The following RTN3 variants were observed in gnomAD, a reference collection of about 807,000 sequenced individuals.
RTN3 encodes the protein reticulon 3.
Under a neutral mutation model 77.8 loss-of-function variants are expected in RTN3, and 49 were observed. That is an observed-to-expected ratio of 0.63 (90% CI 0.50 to 0.80). The LOEUF is 0.80. Ranked by LOEUF, RTN3 falls within the 30% of genes least tolerant of loss-of-function variation. The pLI, the probability that RTN3 is intolerant of heterozygous loss-of-function variation, is 0.00. For synonymous variants in RTN3, 464 were observed against 446.9 expected (o/e 1.04, Z -0.48); for missense variants, 1,236 against 1,211.9 (o/e 1.02, Z -0.29).
chr11:63,684,948 T>C lies in RTN3; in HGVS notation c.142+3170T>C, dbSNP rs905309972. ...ATAATTTTTGTACTTTTACTAGATA[T>C]GGGGTTTTGCCATGTTGGCCAGGCT... On this transcript the variant is annotated intron_variant, in intron 1 of 8. Coordinates refer to ENST00000377819, the MANE Select transcript of RTN3 (RefSeq NM_001265589.2). Among the ~76,000 whole-genome samples, 7 of 151,150 alleles carry C rather than the reference T, an allele frequency of 4.6e-5. No individual in the cohort carries two copies. The East Asian group carries it at 8.0e-4, about 17-fold the overall frequency.
At chr11:63,685,073 C>T (rs978483771) in intron 1 of RTN3, among the ~76,000 whole-genome samples, 12 of 152,242 alleles carry the variant, frequency 7.9e-5, no homozygotes, top group Middle Eastern at 3.4e-3. Flanking sequence ...AGACTCTTAT[C>T]TTAAATGCTT....
At chr11:63,708,168 A>G (rs1481862777) in intron 2 of RTN3, among the ~76,000 whole-genome samples, 2 of 152,226 alleles carry the variant, frequency 1.3e-5, no homozygotes, top group East Asian at 1.9e-4. Context: ...GTCCACTTCC[A>G]CACAGGCCTT....
intron 2 of RTN3, among the ~76,000 whole-genome samples, chr11:63,712,044 G>T (rs977776570): frequency 6.6e-6 from 1 of 152,196 alleles, no homozygotes; most frequent in African/African-American, 2.4e-5. Context: ...CAATTCTTAG[G>T]ATGCCATAGG....
At chr11:63,722,442 A>G (rs542377109) in intron 3 of RTN3, among the ~76,000 whole-genome samples, 1 of 152,304 alleles carries the variant, frequency 6.6e-6, no homozygotes, top group African/African-American at 2.4e-5. Flanking sequence ...TGGTATTGTG[A>G]GGATTAAATA....
intron 2 of RTN3, among the ~76,000 whole-genome samples, chr11:63,707,889 T>A (rs906344861): frequency 2.0e-5 from 3 of 152,144 alleles, no homozygotes; most frequent in African/African-American, 7.2e-5. Context: ...ATTTAACCTA[T>A]ATTAGTAGCA....
chr11:63,754,543 A>G lies in RTN3; in HGVS notation c.2994+835A>G, dbSNP rs1285986408. Among the ~76,000 whole-genome samples, 6 of 152,032 alleles carry G rather than the reference A, an allele frequency of 3.9e-5. No homozygotes were observed. In the East Asian group the frequency reaches 1.2e-3, roughly 29 times the overall value. Reference sequence around the variant, plus strand: ...GTGAAACCCCATCTCTACTAAAAATACAAAAAATTAGTCGGGTGTGGTGGC... The same window carrying G: ...GTGAAACCCCATCTCTACTAAAAATGCAAAAAATTAGTCGGGTGTGGTGGC... On this transcript the variant is annotated intron_variant, in intron 7 of 8. Coordinates refer to ENST00000377819, the MANE Select transcript of RTN3 (RefSeq NM_001265589.2).
chr11:63,686,388 G>A (rs926954213), intron 1 of RTN3, among the ~76,000 whole-genome samples: 2 of 151,090 alleles, frequency 1.3e-5, no homozygotes, highest in African/African-American at 2.4e-5. Flanking sequence ...GGAGAATGGC[G>A]TGAACCCAGG....
intron 1 of RTN3, among the ~76,000 whole-genome samples, chr11:63,691,114 CTTTT>C (rs796809025): frequency 1.1e-5 from 1 of 91,878 alleles, no homozygotes; most frequent in Non-Finnish European, 2.1e-5. Context: ...ATTGCTAATT[CTTTT>C]TTTTTTTTTT....
intron 2 of RTN3, among the ~76,000 whole-genome samples, chr11:63,706,729 AT>A (rs907354978): frequency 1.5e-4 from 23 of 151,550 alleles, no homozygotes; most frequent in African/African-American, 4.6e-4. Context: ...ATTTTTAAGG[AT>A]TTTTTTTTCT....
At chr11:63,704,257 C>A (rs1025220484) in intron 1 of RTN3, among the ~76,000 whole-genome samples, 2 of 152,146 alleles carry the variant, frequency 1.3e-5, no homozygotes, top group Admixed American at 6.5e-5. Flanking sequence ...CCTGCCTCAG[C>A]TTCCCAAAGT....
chr11:63,705,156 A>G (rs1437497256), intron 2 of RTN3, among the ~76,000 whole-genome samples: 1 of 152,256 alleles, frequency 6.6e-6, no homozygotes, highest in African/African-American at 2.4e-5. Context: ...TTTCTTTAAA[A>G]TTAAAAACTT....
In RTN3 at chr11:63,720,072, C is replaced by T. The variant is rs760516100; in HGVS notation, c.1570C>T (p.Pro524Ser). 3 of 1,614,006 alleles carry T rather than the reference C, an allele frequency of 1.9e-6. No homozygotes were observed. The highest frequency in any genetic ancestry group is 2.5e-6 in the Non-Finnish European group (3 of 1,180,014). ...FENNKIQAEKPVSIPSAVVKT... is the reference protein window; with the variant it reads ...FENNKIQAEKSVSIPSAVVKT... ...AAATAACAAAATTCAGGCTGAAAAA[C>T]CTGTTTCCATTCCAAGTGCTGTTGT... The change falls in exon 3 of 9, where the codon CCT (proline) becomes TCT (serine). Residue 524 changes from proline (P) to serine (S), a missense_variant. Physicochemically the swap from Pro to Ser is moderately conservative, Grantham distance 74. This residue lies in a region of RTN3 where 1,056 missense variants were observed against 990.4 expected (regional missense o/e 1.07). Coordinates refer to ENST00000377819, the MANE Select transcript of RTN3 (RefSeq NM_001265589.2).
At position 63,719,854 on chromosome 11, in the gene RTN3, C is replaced by A; in HGVS notation, c.1352C>A (p.Pro451His). The change falls in exon 3 of 9, where the codon CCT (proline) becomes CAT (histidine). Residue 451 changes from proline to histidine, a missense_variant. Physicochemically the swap from Pro to His is moderately conservative, Grantham distance 77. Around this residue, in one of 3 missense-constraint regions of RTN3, gnomAD observed 1,056 missense variants for 990.4 expected, o/e 1.07. Transcript: ENST00000377819. ...CAGGATGACACACTTGCAGAATTAC[C>A]TGGATCTCCACCTGAGAAATGTGAC... The part of the protein sequence containing the change: ...QKQDDTLAEL[P>H]GSPPEKCDSL... 6.2e-7 allele frequency: 1 copy of A among 1,614,144 alleles called. No individual in the cohort carries two copies. Among genetic ancestry groups the A allele is most frequent in the Non-Finnish European group, 8.5e-7 (1 of 1,180,028 alleles).
chr11:63,721,183 CCTGT>C (rs1233960991), intron 3 of RTN3, 151 bp downstream of exon 3: 19 of 646,388 alleles, frequency 2.9e-5, no homozygotes, highest in Middle Eastern at 4.3e-4. Flanking sequence ...AGATTCTTCT[CCTGT>C]CTTTTTTTAA....
At chr11:63,722,851 T>A (rs1159603370) in intron 3 of RTN3, among the ~76,000 whole-genome samples, 1 of 152,170 alleles carries the variant, frequency 6.6e-6, no homozygotes, top group East Asian at 1.9e-4. Flanking sequence ...ATAATATGAT[T>A]CTCTGGCTCT....
At position 63,759,231 on chromosome 11, in the gene RTN3, T is replaced by C. The variant is rs1361980441; in HGVS notation, c.*1030T>C. The C allele has an allele frequency of 4.6e-5, 7 of 152,190 alleles. No individual in the cohort carries two copies. Among genetic ancestry groups the C allele is most frequent in the Non-Finnish European group, 1.0e-4 (7 of 68,036 alleles). The allele number at this position is 152,190 out of a possible 1,614,324, so 9.4% of individuals were successfully genotyped here. On this transcript the variant is annotated 3_prime_UTR_variant, in exon 9 of 9. Transcript: ENST00000377819. Reference sequence around the variant, plus strand: ...CTTTTCCCGAGATTCAAATCTCCGATTCCCATTTGGGGGCAAGTTTTTTTC... The same window carrying C: ...CTTTTCCCGAGATTCAAATCTCCGACTCCCATTTGGGGGCAAGTTTTTTTC...
rs2011735137 is a variant in RTN3, at chr11:63,720,872, T to C, written c.2370T>C (p.Tyr790=). Reference sequence around the variant, plus strand: ...CAGAATCTTGGCCACAGAGATCATATGACATCCTAGAACGTAATGTCAAGA... The same window carrying C: ...CAGAATCTTGGCCACAGAGATCATACGACATCCTAGAACGTAATGTCAAGA... ...FAPESWPQRS[Y]DILERNVKNG... The change falls in exon 3 of 9, where the codon TAT becomes TAC. Residue 790 remains tyrosine (Y), a synonymous_variant. Coordinates refer to ENST00000377819, the MANE Select transcript of RTN3 (RefSeq NM_001265589.2). The C allele has an allele frequency of 6.2e-6, 10 of 1,614,084 alleles. No individual in the cohort carries two copies. Among genetic ancestry groups the C allele is most frequent in the Non-Finnish European group, 8.5e-6 (10 of 1,180,022 alleles).
intron 1 of RTN3, among the ~76,000 whole-genome samples, chr11:63,684,417 G>T (rs1941258261): frequency 2.0e-5 from 3 of 152,020 alleles, no homozygotes; most frequent in African/African-American, 7.2e-5. Context: ...AAAATGCTGG[G>T]AATACAGGCA....
chr11:63,716,001 T>G (rs2011375630), intron 2 of RTN3, among the ~76,000 whole-genome samples: 1 of 152,230 alleles, frequency 6.6e-6, no homozygotes, highest in Non-Finnish European at 1.5e-5. Context: ...GCAAACCATG[T>G]TTACTAAATT....
Sources: allele counts gnomAD v4.1 joint callset (sites outside exome capture counted in the v4.1 genomes callset), GRCh38; gene constraint gnomAD v4.1.1; regional missense constraint gnomAD v4.1.1; transcripts MANE v1.5; gene names NCBI Gene and HGNC (gene_info 2026-07-23, HGNC 2026-07-21).